Variants in ZBTB16 observed in about 807,000 individuals in gnomAD.
The protein encoded by ZBTB16 is zinc finger and BTB domain containing 16, also known as zinc finger and BTB domain-containing protein 16.
A neutral mutation model predicts 56.8 loss-of-function variants in ZBTB16; 8 were observed. That is an observed-to-expected ratio of 0.14 (90% CI 0.08 to 0.25). ZBTB16 has a LOEUF of 0.25. ZBTB16 is among the 10% of genes least tolerant of loss of function. The pLI is 1.00. For synonymous variants in ZBTB16, 363 were observed against 368.5 expected (o/e 0.98, Z 0.17); for missense variants, 625 against 903.0 (o/e 0.69, Z 3.95).
chr11:114,208,958 C>G (rs897097219), intron 4 of ZBTB16, among the ~76,000 whole-genome samples: 3 of 152,190 alleles, frequency 2.0e-5, no homozygotes, highest in African/African-American at 7.2e-5. Flanking sequence ...AGATCCATAA[C>G]CTCTAGAGTA....
chr11:114,183,055 T>G (rs1022914150), intron 3 of ZBTB16, among the ~76,000 whole-genome samples: 1 of 152,150 alleles, frequency 6.6e-6, no homozygotes, highest in South Asian at 2.1e-4. Context: ...TCGGCTCCGC[T>G]CACGTGTCCA....
chr11:114,109,977 A>G (rs1051315779), intron 2 of ZBTB16, among the ~76,000 whole-genome samples: 2 of 152,180 alleles, frequency 1.3e-5, no homozygotes, highest in Non-Finnish European at 2.9e-5. Flanking sequence ...TTCTGGAAGG[A>G]GCCCACAATT....
At chr11:114,182,043 T>TTTG (rs1170315926) in intron 3 of ZBTB16, among the ~76,000 whole-genome samples, 3 of 152,124 alleles carry the variant, frequency 2.0e-5, no homozygotes, top group African/African-American at 7.2e-5. Flanking sequence ...TACTCAATGC[T>TTTG]TTGTTGTTGT....
intron 2 of ZBTB16, among the ~76,000 whole-genome samples, chr11:114,106,213 C>T (rs1404263139): frequency 4.6e-5 from 7 of 152,086 alleles, no homozygotes; most frequent in Non-Finnish European, 1.0e-4. Flanking sequence ...AGCCGCAGGC[C>T]TTTCTGAAGT....
Position 114,253,429 on chromosome 11 carries a change from C to G in ZBTB16, c.*2874C>G, listed in dbSNP as rs1324278875. Among the ~76,000 whole-genome samples the G allele has an allele frequency of 1.3e-5, 2 of 152,194 alleles. No individual in the cohort carries two copies. The highest frequency in any genetic ancestry group is 1.3e-4 in the Admixed American group (2 of 15,280). ...AGACAAAAGACAAAAAAAAATCCACCACCACCAAAATATCCCTTTGTACAT... is the reference window on the plus strand; with the variant it reads ...AGACAAAAGACAAAAAAAAATCCACGACCACCAAAATATCCCTTTGTACAT... On this transcript the variant is annotated 3_prime_UTR_variant, in exon 7 of 7. Coordinates refer to ENST00000335953, the MANE Select transcript of ZBTB16 (RefSeq NM_006006.6).
Position 114,105,028 on chromosome 11 carries a change from C to T in ZBTB16, c.1268+40460C>T, listed in dbSNP as rs552605688. Among the ~76,000 whole-genome samples, 6 of 152,290 alleles carry T rather than the reference C, an allele frequency of 3.9e-5. No homozygotes were observed. The South Asian group carries it at 1.2e-3, about 32-fold the overall frequency. ...TACTTAACCCCTCGCCACCCACTCA[C>T]CTGTGGAAGGCACATTTGCAAAACA... On this transcript the variant is annotated intron_variant, in intron 2 of 6. Coordinates refer to ENST00000335953, the MANE Select transcript of ZBTB16 (RefSeq NM_006006.6).
At chr11:114,114,162 A>G (rs1481989298) in intron 2 of ZBTB16, among the ~76,000 whole-genome samples, 1 of 152,242 alleles carries the variant, frequency 6.6e-6, no homozygotes, top group East Asian at 1.9e-4. Flanking sequence ...CTAGTTGACA[A>G]TGATTTCTGG....
chr11:114,064,653 G>A lies in ZBTB16; in HGVS notation c.1268+85G>A, dbSNP rs1939045578. On this transcript the variant is annotated intron_variant, in intron 2 of 6. Coordinates refer to ENST00000335953, the MANE Select transcript of ZBTB16 (RefSeq NM_006006.6). The surrounding 1 kb of genome is among the most constrained non-coding windows in gnomAD (Gnocchi z 4.2). ...CACACCCTGGCTGCTCCCAAGTTAG[G>A]GGCCTGGCTCCCCTGTCTTGGCAAT... 6.5e-7 allele frequency: 1 copy of A among 1,532,212 alleles called. No homozygotes were observed. The highest frequency in any genetic ancestry group is 1.4e-5 in the African/African-American group (1 of 73,172). 94.9% of individuals were successfully genotyped at this position (1,532,212 alleles called of 1,614,324 possible).
intron 4 of ZBTB16, among the ~76,000 whole-genome samples, chr11:114,231,666 C>T (rs1944443975): frequency 6.6e-6 from 1 of 152,160 alleles, no homozygotes; most frequent in Non-Finnish European, 1.5e-5. Flanking sequence ...AATGTTGGAT[C>T]CTTTCTTTGC....
Position 114,063,780 on chromosome 11 carries a change from G to C in ZBTB16, c.480G>C (p.Lys160Asn). The change falls in exon 2 of 7, where the codon AAG becomes AAC. Residue 160 changes from lysine to asparagine, a missense_variant. Lys to Asn is a moderately conservative substitution (Grantham distance 94). Transcript: ENST00000335953. This position sits in a 1 kb window ranked among gnomAD's most constrained non-coding sequence, Gnocchi z 6.5. ...ACCTCAAGAACATCTTCATCTCGAA[G>C]CATTCCAGCGAGGAGAGTGGGTATG... ...ARYLKNIFIS[K>N]HSSEESGYAS... 1 of 1,614,140 alleles carries C rather than the reference G, an allele frequency of 6.2e-7. No homozygotes were observed. The highest frequency in any genetic ancestry group is 8.5e-7 in the Non-Finnish European group (1 of 1,180,040).
At chr11:114,215,718 G>T (rs529199240) in intron 4 of ZBTB16, among the ~76,000 whole-genome samples, 2 of 152,186 alleles carry the variant, frequency 1.3e-5, no homozygotes, top group African/African-American at 4.8e-5. Flanking sequence ...TTGTGAGTGG[G>T]CACATATATA....
chr11:114,074,157 A>G (rs1939453531), intron 2 of ZBTB16, among the ~76,000 whole-genome samples: 1 of 152,188 alleles, frequency 6.6e-6, no homozygotes, highest in African/African-American at 2.4e-5. Flanking sequence ...CCACCTCCCT[A>G]CTTCCTGCTT....
At chr11:114,187,230 A>G (rs552532414) in intron 4 of ZBTB16, 192 bp downstream of exon 4, 6 of 685,274 alleles carry the variant, frequency 8.8e-6, no homozygotes, top group African/African-American at 1.8e-5. Context: ...AGAAGTTTAC[A>G]AGTATGACAT....
chr11:114,237,052 A>C (rs149866775), intron 4 of ZBTB16, among the ~76,000 whole-genome samples: 1 of 152,344 alleles, frequency 6.6e-6, no homozygotes, highest in Non-Finnish European at 1.5e-5. Flanking sequence ...GCCATGACTC[A>C]TGATCCAGGT....
chr11:114,083,696 C>A (rs1280502873), intron 2 of ZBTB16, among the ~76,000 whole-genome samples: 2 of 152,174 alleles, frequency 1.3e-5, no homozygotes, highest in African/African-American at 4.8e-5. Context: ...CTGTACCACC[C>A]AGCTTCCCCT....
In ZBTB16 at chr11:114,251,838, C is replaced by A. The variant is rs577738602; in HGVS notation, c.*1283C>A. Among the ~76,000 whole-genome samples, 1 of 152,288 alleles carries A rather than the reference C, an allele frequency of 6.6e-6. No homozygotes were observed. Among genetic ancestry groups the A allele is most frequent in the Admixed American group, 6.5e-5 (1 of 15,302 alleles). On this transcript the variant is annotated 3_prime_UTR_variant, in exon 7 of 7. Transcript: ENST00000335953. ...CCTTGTGTTATGTTTTGCTTCTTTT[C>A]TGTGTCCCCTGTTAGCACATTGTAC...
chr11:114,250,196 C>A lies in ZBTB16; in HGVS notation c.1793-130C>A. 1.0e-6 allele frequency: 1 copy of A among 981,758 alleles called. No individual in the cohort carries two copies. The highest frequency in any genetic ancestry group is 1.6e-6 in the Non-Finnish European group (1 of 629,896). 60.8% of individuals were successfully genotyped at this position (981,758 alleles called of 1,614,324 possible). On this transcript the variant is annotated intron_variant, in intron 6 of 6. Transcript: ENST00000335953. This position sits in a 1 kb window ranked among gnomAD's most constrained non-coding sequence, Gnocchi z 6.0. Reference sequence around the variant, plus strand: ...CCGTCTTGGGTGGTGCCTTCATTGTCCCAGAAAGTTCTGTTGGAGCAAGCC... The same window carrying A: ...CCGTCTTGGGTGGTGCCTTCATTGTACCAGAAAGTTCTGTTGGAGCAAGCC...
chr11:114,182,680 T>A (rs1238724724), intron 3 of ZBTB16, among the ~76,000 whole-genome samples: 3 of 152,216 alleles, frequency 2.0e-5, no homozygotes, highest in African/African-American at 7.2e-5. Flanking sequence ...TGTGTTCAGC[T>A]GGCGTGACCT....
chr11:114,229,976 A>ATT (rs1264004234), intron 4 of ZBTB16, among the ~76,000 whole-genome samples: 1 of 152,142 alleles, frequency 6.6e-6, no homozygotes, highest in East Asian at 1.9e-4. Context: ...ACGCAGTGAA[A>ATT]TCAGAATCAC....
Sources: gnomAD v4.1 joint callset for allele counts (sites outside exome capture counted in the v4.1 genomes callset) on GRCh38, gnomAD v4.1.1 for gene constraint, Gnocchi (gnomAD v3.1) non-coding constraint, MANE v1.5 for transcripts, NCBI Gene and HGNC (gene_info 2026-07-23, HGNC 2026-07-21) for gene names.